Variants in RNLS observed in about 807,000 individuals in gnomAD.
The protein encoded by RNLS is renalase.
A neutral mutation model predicts 39.8 loss-of-function variants in RNLS; 39 were observed. That is an observed-to-expected ratio of 0.98 (90% confidence interval 0.76 to 1.28). The LOEUF is 1.28. Ranked by LOEUF, RNLS falls within the 50% of genes most tolerant of loss-of-function variation. RNLS has a pLI of 0.00. For missense variants in RNLS, 410 were observed against 413.3 expected, an observed-to-expected ratio of 0.99 and a Z score of 0.07; for synonymous variants, 147 against 150.7, an observed-to-expected ratio of 0.98 and a Z score of 0.18.
the RNLS span, among the ~76,000 whole-genome samples, chr10:88,235,688 T>C: frequency 6.6e-6 from 1 of 152,230 alleles, no homozygotes; most frequent in South Asian, 2.1e-4. Context: ...TTCATTGATA[T>C]GCCATTTTTG....
chr10:88,396,060 G>A (rs995471062), intron 4 of RNLS, among the ~76,000 whole-genome samples: 2 of 152,042 alleles, frequency 1.3e-5, no homozygotes, highest in African/African-American at 4.8e-5. Context: ...TAACTCATTG[G>A]CAGCAAATCT....
intron 4 of RNLS, among the ~76,000 whole-genome samples, chr10:88,377,635 A>G (rs897968908): frequency 3.3e-5 from 5 of 152,198 alleles, no homozygotes; most frequent in African/African-American, 1.2e-4. Context: ...TAGAAGATAA[A>G]CAATGGTACA....
At chr10:88,256,856 TC>T in the RNLS span, among the ~76,000 whole-genome samples, 1 of 152,184 alleles carries the variant, frequency 6.6e-6, no homozygotes, top group Non-Finnish European at 1.5e-5. Flanking sequence ...TCACCCTCCC[TC>T]ACTCCTCTGA....
intron 5 of RNLS, among the ~76,000 whole-genome samples, chr10:88,339,826 A>G (rs1307964924): frequency 1.3e-5 from 2 of 152,222 alleles, no homozygotes; most frequent in Non-Finnish European, 2.9e-5. Context: ...CACTTAGCAC[A>G]CACACAAGTG....
At chr10:88,300,538 T>C (rs1844437280) in intron 6 of RNLS, among the ~76,000 whole-genome samples, 1 of 152,236 alleles carries the variant, frequency 6.6e-6, no homozygotes, top group Admixed American at 6.5e-5. Context: ...TCAAGTGACA[T>C]CTTCTTTTAG....
chr10:88,446,083 A>G (rs1445243349), intron 4 of RNLS, among the ~76,000 whole-genome samples: 1 of 152,232 alleles, frequency 6.6e-6, no homozygotes, highest in Non-Finnish European at 1.5e-5. Context: ...TCCTCAGCAG[A>G]TGTAAAAGAA....
intron 4 of RNLS, among the ~76,000 whole-genome samples, chr10:88,444,370 A>G (rs907408709): frequency 3.3e-5 from 5 of 152,172 alleles, no homozygotes; most frequent in African/African-American, 7.2e-5. Flanking sequence ...AAAGATAGGG[A>G]AAAAACAGAG....
intron 4 of RNLS, among the ~76,000 whole-genome samples, chr10:88,401,104 C>G (rs1212813676): frequency 4.0e-5 from 6 of 151,788 alleles, no homozygotes; most frequent in Non-Finnish European, 4.4e-5. Flanking sequence ...TTACCATAAC[C>G]TTATGGTTGC....
Position 88,284,278 on chromosome 10 carries a change from CTT to C in RNLS, c.*1074_*1075del, listed in dbSNP as rs1281429413. ...TTTAAACACTATTACAGTAAGAAGT[CTT>C]TTGTTGAACTTTTGTTAGTTTGAGA... On this transcript the variant is annotated 3_prime_UTR_variant, in exon 7 of 7. Coordinates refer to ENST00000331772, the MANE Select transcript of RNLS (RefSeq NM_001031709.3). The C allele has an allele frequency of 1.0e-6, 1 of 985,184 alleles. No individual in the cohort carries two copies. Among genetic ancestry groups the C allele is most frequent in the Non-Finnish European group, 1.2e-6 (1 of 829,890 alleles). 61.0% of individuals were successfully genotyped at this position (985,184 alleles called of 1,614,324 possible).
intron 6 of RNLS, among the ~76,000 whole-genome samples, chr10:88,304,218 GAAGA>G (rs1278339214): frequency 6.6e-6 from 1 of 152,202 alleles, no homozygotes; most frequent in Non-Finnish European, 1.5e-5. Flanking sequence ...CTCAAAGATT[GAAGA>G]TAGATAAGCT....
chr10:88,370,840 G>A (rs967497727), intron 4 of RNLS, among the ~76,000 whole-genome samples: 2 of 152,094 alleles, frequency 1.3e-5, no homozygotes, highest in African/African-American at 4.8e-5. Context: ...ATAAAAGCAC[G>A]GAATCAGTCT....
chr10:88,314,515 C>G lies in RNLS; in HGVS notation c.827G>C (p.Gly276Ala), dbSNP rs1415349352. Reference sequence around the variant, plus strand: ...TTTGGTAGCAATTGGCTGAGGCAAACCCGGCAAAATGTTTTCCAGCTGCTG... The same window carrying G: ...TTTGGTAGCAATTGGCTGAGGCAAAGCCGGCAAAATGTTTTCCAGCTGCTG... ...VFQQLENILP[G>A]LPQPIATKCQ... Residue 276 changes from glycine to alanine, a missense_variant, in exon 6 of 7, where the codon GGT becomes GCT. Gly to Ala is a moderately conservative substitution (Grantham distance 60, BLOSUM62 0). Transcript: ENST00000331772. 1.2e-6 allele frequency: 2 copies of G among 1,613,926 alleles called. No individual in the cohort carries two copies. The highest frequency in any genetic ancestry group is 2.2e-5 in the South Asian group (2 of 91,074).
chr10:88,506,261 A>C (rs1161386135), intron 4 of RNLS, among the ~76,000 whole-genome samples: 2 of 152,178 alleles, frequency 1.3e-5, no homozygotes, highest in Non-Finnish European at 2.9e-5. Flanking sequence ...ATAACAACCT[A>C]ATACAATGAG....
chr10:88,582,428 G>A, intron 1 of RNLS, 121 bp from the exon 2 acceptor site: 2 of 708,154 alleles, frequency 2.8e-6, no homozygotes, highest in Non-Finnish European at 4.6e-6. Flanking sequence ...ACTTTTTTAA[G>A]TTGAAGTATT....
the RNLS span, among the ~76,000 whole-genome samples, chr10:88,244,107 G>C: frequency 6.6e-6 from 1 of 152,210 alleles, no homozygotes; most frequent in Non-Finnish European, 1.5e-5. Flanking sequence ...TTGTTAACTT[G>C]TTTTAGGCAA....
intron 4 of RNLS, among the ~76,000 whole-genome samples, chr10:88,397,750 G>T (rs1281998840): frequency 6.6e-6 from 1 of 151,322 alleles, no homozygotes; most frequent in Non-Finnish European, 1.5e-5. Context: ...AAAGTCATAT[G>T]AAAATTCACA....
At chr10:88,378,477 A>ATAT (rs1228098170) in intron 4 of RNLS, among the ~76,000 whole-genome samples, 1 of 152,180 alleles carries the variant, frequency 6.6e-6, no homozygotes, top group African/African-American at 2.4e-5. Context: ...AAATTTTAAA[A>ATAT]TATTACTTTA....
chr10:88,387,442 T>C (rs1276873593), intron 4 of RNLS, among the ~76,000 whole-genome samples: 1 of 139,080 alleles, frequency 7.2e-6, no homozygotes, highest in East Asian at 2.1e-4. Context: ...AGCAAATTTA[T>C]GTGGCAGAAA....
chr10:88,321,849 C>T (rs1223639822), intron 5 of RNLS, among the ~76,000 whole-genome samples: 1 of 152,098 alleles, frequency 6.6e-6, no homozygotes, highest in East Asian at 1.9e-4. Flanking sequence ...CAGGACTAGA[C>T]AGACTCATGG....
Sources: gnomAD v4.1 joint callset for allele counts (sites outside exome capture counted in the v4.1 genomes callset) on GRCh38, gnomAD v4.1.1 for gene constraint, MANE v1.5 for transcripts, NCBI Gene and HGNC (gene_info 2026-07-23, HGNC 2026-07-21) for gene names.